ADAM23: variants seen among roughly 807,000 people sequenced by gnomAD.
ADAM23 encodes the protein disintegrin and metalloproteinase domain-containing protein 23.
A neutral mutation model predicts 120.1 loss-of-function variants in ADAM23; 33 were observed. That is an observed-to-expected ratio of 0.27 (90% CI 0.21 to 0.37). ADAM23 has a LOEUF of 0.37. Ranked by LOEUF, ADAM23 falls within the 10% of genes least tolerant of loss-of-function variation. The pLI, the probability that ADAM23 is intolerant of heterozygous loss-of-function variation, is 1.00. For missense variants in ADAM23, 862 were observed against 1,058.2 expected, an observed-to-expected ratio of 0.81 and a Z score of 2.57; for synonymous variants, 367 against 375.2, an observed-to-expected ratio of 0.98 and a Z score of 0.25.
chr2:206,567,621 A>G (rs769134078), intron 15 of ADAM23, among the ~76,000 whole-genome samples: 1 of 152,136 alleles, frequency 6.6e-6, no homozygotes, highest in Non-Finnish European at 1.5e-5. Flanking sequence ...TCATGTTAAG[A>G]TTTTTACCCT....
At chr2:206,552,713 G>A (rs950875804) in intron 9 of ADAM23, among the ~76,000 whole-genome samples, 10 of 152,150 alleles carry the variant, frequency 6.6e-5, no homozygotes, top group Non-Finnish European at 1.3e-4. Context: ...CCAGGCTGGA[G>A]TACAGTGATC....
At chr2:206,543,704 C>G (rs1697339180) in intron 6 of ADAM23, among the ~76,000 whole-genome samples, 1 of 151,960 alleles carries the variant, frequency 6.6e-6, no homozygotes. Flanking sequence ...AAATATGGAA[C>G]CAGCCTAAAT....
At chr2:206,499,255 A>G (rs2105891982) in intron 3 of ADAM23, among the ~76,000 whole-genome samples, 1 of 152,206 alleles carries the variant, frequency 6.6e-6, no homozygotes, top group Non-Finnish European at 1.5e-5. Flanking sequence ...CCAAATGTCC[A>G]ACAATGATAG....
chr2:206,445,133 G>T (rs1208873941), intron 1 of ADAM23, among the ~76,000 whole-genome samples, 174 bp from the exon 2 acceptor site: 1 of 152,046 alleles, frequency 6.6e-6, no homozygotes, highest in East Asian at 1.9e-4. Context: ...CCATTTTATT[G>T]TTGAAATAAC....
intron 25 of ADAM23, among the ~76,000 whole-genome samples, chr2:206,610,395 G>A (rs1423567754): frequency 3.9e-5 from 6 of 152,196 alleles, no homozygotes; most frequent in Non-Finnish European, 7.3e-5. Flanking sequence ...CTGATATTTT[G>A]AAATTTTCAC....
intron 15 of ADAM23, among the ~76,000 whole-genome samples, chr2:206,568,811 C>CT (rs1002924007): frequency 2.0e-5 from 3 of 151,606 alleles, no homozygotes; most frequent in Non-Finnish European, 4.4e-5. Flanking sequence ...TAATGTTAAC[C>CT]TTTTTTTTTA....
chr2:206,542,098 A>T lies in ADAM23; in HGVS notation c.620A>T (p.Asp207Val). ...YYHGSIRGVK[D>V]SKVALSTCNG... Reference sequence around the variant, plus strand: ...CATGGAAGCATCAGAGGCGTCAAAGACTCCAAGGTGGCTCTGTCAACCTGC... The same window carrying T: ...CATGGAAGCATCAGAGGCGTCAAAGTCTCCAAGGTGGCTCTGTCAACCTGC... The change falls in exon 5 of 26, where the codon GAC (aspartate) becomes GTC (valine). Residue 207 changes from aspartate (D) to valine (V), a missense_variant. Asp to Val is a radical substitution (Grantham distance 152). Transcript: ENST00000264377. The T allele has an allele frequency of 6.2e-7, 1 of 1,614,050 alleles. No individual in the cohort carries two copies. Among genetic ancestry groups the T allele is most frequent in the Non-Finnish European group, 8.5e-7 (1 of 1,180,004 alleles).
At chr2:206,567,362 T>A (rs757919251) in intron 15 of ADAM23, 40 bp downstream of exon 15, 3 of 1,548,750 alleles carry the variant, frequency 1.9e-6, no homozygotes, top group Non-Finnish European at 1.8e-6. Flanking sequence ...GTATATTATT[T>A]CTCCAGTGTT....
chr2:206,578,623 T>C (rs1254875250), intron 18 of ADAM23, among the ~76,000 whole-genome samples: 1 of 152,156 alleles, frequency 6.6e-6, no homozygotes, highest in Non-Finnish European at 1.5e-5. Context: ...CACTCATTGA[T>C]TGATGGGCAT....
At chr2:206,521,213 G>A (rs995003891) in intron 3 of ADAM23, among the ~76,000 whole-genome samples, 2 of 152,122 alleles carry the variant, frequency 1.3e-5, no homozygotes, top group African/African-American at 4.8e-5. Flanking sequence ...CACCTTGACG[G>A]TGAGAGGCAT....
At chr2:206,550,230 GT>G (rs1316767247) in intron 9 of ADAM23, 70 bp downstream of exon 9, 1 of 933,498 alleles carries the variant, frequency 1.1e-6, no homozygotes, top group Non-Finnish European at 1.5e-6. Flanking sequence ...TTACTTTATA[GT>G]TAATCATTAT....
At chr2:206,517,108 G>T (rs997958087) in intron 3 of ADAM23, among the ~76,000 whole-genome samples, 1 of 152,132 alleles carries the variant, frequency 6.6e-6, no homozygotes, top group African/African-American at 2.4e-5. Flanking sequence ...CACTTTCTTT[G>T]TAAAGCTCTG....
In ADAM23 at chr2:206,560,015, A is replaced by G. The variant is rs771814016; in HGVS notation, c.1066A>G (p.Lys356Glu). The change falls in exon 11 of 26, where the codon AAG (lysine) becomes GAG (glutamate). Residue 356 changes from lysine (K) to glutamate (E), a missense_variant. Around this residue, in one of 4 missense-constraint regions of ADAM23, gnomAD observed 617 missense variants for 813.5 expected, o/e 0.76. Coordinates refer to ENST00000264377, the MANE Select transcript of ADAM23 (RefSeq NM_003812.4). ...GGTGGCTGTAGAGACCTGGACTGAGAAGGATCAGATTGACATCACCACCAA... is the reference window on the plus strand; with the variant it reads ...GGTGGCTGTAGAGACCTGGACTGAGGAGGATCAGATTGACATCACCACCAA... ...VLVAVETWTE[K>E]DQIDITTNPV... The G allele has an allele frequency of 1.9e-6, 3 of 1,614,094 alleles. No homozygotes were observed. Among genetic ancestry groups the G allele is most frequent in the Non-Finnish European group, 1.7e-6 (2 of 1,179,998 alleles).
At chr2:206,480,044 T>C (rs1221214234) in intron 2 of ADAM23, among the ~76,000 whole-genome samples, 2 of 152,078 alleles carry the variant, frequency 1.3e-5, no homozygotes, top group Non-Finnish European at 2.9e-5. Flanking sequence ...AATCTAGACC[T>C]GTTTGCAAGA....
intron 3 of ADAM23, among the ~76,000 whole-genome samples, chr2:206,523,572 T>C (rs1696887796): frequency 6.6e-6 from 1 of 152,212 alleles, no homozygotes; most frequent in Non-Finnish European, 1.5e-5. Context: ...AAGGAGTGTA[T>C]ATTTTTTAGC....
At chr2:206,562,836 G>T (rs1406241135) in intron 13 of ADAM23, among the ~76,000 whole-genome samples, 3 of 152,158 alleles carry the variant, frequency 2.0e-5, no homozygotes, top group African/African-American at 7.2e-5. Flanking sequence ...TCCTCTAGTG[G>T]CCCAGGCAGG....
intron 3 of ADAM23, among the ~76,000 whole-genome samples, chr2:206,508,253 T>TCTC (rs918931563): frequency 9.2e-5 from 14 of 152,236 alleles, no homozygotes; most frequent in East Asian, 1.9e-4. Context: ...ATGGTCTTGA[T>TCTC]CTGACCTCGT....
At chr2:206,483,872 A>G (rs1310591035) in intron 3 of ADAM23, among the ~76,000 whole-genome samples, 1 of 152,136 alleles carries the variant, frequency 6.6e-6, no homozygotes, top group African/African-American at 2.4e-5. Flanking sequence ...GATGATGTGG[A>G]GGCAGCAAAT....
chr2:206,566,652 A>G (rs933720519), intron 14 of ADAM23, among the ~76,000 whole-genome samples: 1 of 152,192 alleles, frequency 6.6e-6, no homozygotes, highest in Non-Finnish European at 1.5e-5. Context: ...CCCCAATTCT[A>G]TTGTCACTGT....
Sources: gnomAD v4.1 joint callset for allele counts (sites outside exome capture counted in the v4.1 genomes callset) on GRCh38, gnomAD v4.1.1 for gene constraint, gnomAD v4.1.1 regional missense constraint, MANE v1.5 for transcripts, NCBI Gene and HGNC (gene_info 2026-07-23, HGNC 2026-07-21) for gene names.